The following RBFOX2 variants were observed in gnomAD, a reference collection of about 807,000 sequenced individuals.
The protein encoded by RBFOX2 is RNA binding protein fox-1 homolog 2.
A neutral mutation model predicts 49.1 loss-of-function variants in RBFOX2; 10 were observed. That is an observed-to-expected ratio of 0.20 (90% CI 0.13 to 0.35). The LOEUF is 0.35. Ranked by LOEUF, RBFOX2 falls within the 10% of genes least tolerant of loss-of-function variation. The probability of loss-of-function intolerance (pLI) is 1.00; values close to 1 mark genes in which losing one functional copy is unlikely to be tolerated. For missense variants in RBFOX2, 323 were observed against 486.9 expected (o/e 0.66, Z 3.17); for synonymous variants, 183 against 187.4 (o/e 0.98, Z 0.19).
At chr22:35,752,665 A>G in intron 9 of RBFOX2, 1 of 983,062 alleles carries the variant, frequency 1.0e-6, no homozygotes, top group Non-Finnish European at 1.2e-6. Context: ...TCTATAACAG[A>G]ACACAGGAAG....
chr22:35,843,983 G>A (rs1207739686), upstream of RBFOX2, among the ~76,000 whole-genome samples: 3 of 152,116 alleles, frequency 2.0e-5, no homozygotes, highest in Non-Finnish European at 4.4e-5. Context: ...TACCCTGACG[G>A]CTCCCACATT....
rs1229606546 is a variant in RBFOX2, at chr22:35,880,149, AG to A, written c.-34+58697del. Among the ~76,000 whole-genome samples the A allele has an allele frequency of 5.3e-5, 8 of 151,204 alleles. No individual in the cohort carries two copies. The East Asian group carries it at 1.5e-3, about 29-fold the overall frequency. On this transcript the variant is annotated intron_variant, in intron 1 of 13. Transcript: ENST00000359369. Reference sequence around the variant, plus strand: ...CAGCCTGGGCGACAGAGCGAGACTGAGGAAAAAAAAAAAAGGAAGAAGAGCT... The same window carrying A: ...CAGCCTGGGCGACAGAGCGAGACTGAGAAAAAAAAAAAAGGAAGAAGAGCT...
At chr22:36,017,100 TG>T (rs1324115061) in intron 1 of RBFOX2, among the ~76,000 whole-genome samples, 3 of 152,214 alleles carry the variant, frequency 2.0e-5, no homozygotes, top group Non-Finnish European at 4.4e-5. Context: ...AATACTTCTA[TG>T]AATCTATCGC....
chr22:35,803,447 G>A (rs533926011), intron 2 of RBFOX2, among the ~76,000 whole-genome samples: 3 of 152,232 alleles, frequency 2.0e-5, no homozygotes, highest in Admixed American at 2.0e-4. Flanking sequence ...CAGCTGAGGC[G>A]AGAGAACTCC....
At chr22:35,955,684 C>T (rs1325542744) in intron 1 of RBFOX2, among the ~76,000 whole-genome samples, 2 of 152,088 alleles carry the variant, frequency 1.3e-5, no homozygotes, top group East Asian at 1.9e-4. Flanking sequence ...AATCTAATGC[C>T]GCCACTGATC....
At chr22:36,028,146 C>G in intron 1 of RBFOX2, 94 bp downstream of exon 1, 1 of 1,330,076 alleles carries the variant, frequency 7.5e-7, no homozygotes, top group South Asian at 1.8e-5. Flanking sequence ...ACCCAGGACT[C>G]CCGGAGGCCC....
At chr22:35,913,976 C>T (rs2050122252) in intron 1 of RBFOX2, among the ~76,000 whole-genome samples, 1 of 152,118 alleles carries the variant, frequency 6.6e-6, no homozygotes. Context: ...ATCCCTAAGT[C>T]ATTTACTTGC....
chr22:35,765,148 G>C (rs565945064), intron 6 of RBFOX2, among the ~76,000 whole-genome samples: 12 of 150,394 alleles, frequency 8.0e-5, no homozygotes, highest in Middle Eastern at 3.4e-3. Flanking sequence ...TGCTCAGGTG[G>C]GATCCAATTT....
Position 35,759,289 on chromosome 22 carries a change from C to A in RBFOX2, c.887+599G>T, listed in dbSNP as rs1602242830. ...TGTTTTACCATCATTCAGAAGCCAA[C>A]TGCAGTTTAATTCTTCCTACTTCTC... On this transcript the variant is annotated intron_variant, in intron 9 of 11. Coordinates refer to ENST00000405409, the Ensembl canonical transcript of RBFOX2. The surrounding 1 kb of genome is among the most constrained non-coding windows in gnomAD (Gnocchi z 4.6). Among the ~76,000 whole-genome samples the A allele has an allele frequency of 1.3e-5, 2 of 152,212 alleles. No homozygotes were observed. The highest frequency in any genetic ancestry group is 1.3e-4 in the Admixed American group (2 of 15,280).
At chr22:35,904,335 C>G (rs2048898271) in intron 1 of RBFOX2, among the ~76,000 whole-genome samples, 1 of 152,114 alleles carries the variant, frequency 6.6e-6, no homozygotes, top group African/African-American at 2.4e-5. Context: ...ACAGATTTCT[C>G]CATTAGAAAG....
Position 35,818,048 on chromosome 22 carries a change from A to C in RBFOX2, c.28-8044T>G, listed in dbSNP as rs545130869. Among the ~76,000 whole-genome samples, 13 of 152,264 alleles carry C rather than the reference A, an allele frequency of 8.5e-5. No individual in the cohort carries two copies. In the South Asian group the frequency reaches 2.5e-3, roughly 29 times the overall value. ...GTCTTTCCCTTGAGGCTGAGTTTTG[A>C]AATCTCACAGCAATGAATATTTAAA... On this transcript the variant is annotated intron_variant, in intron 1 of 11. Transcript: ENST00000405409.
intron 1 of RBFOX2, among the ~76,000 whole-genome samples, chr22:35,857,281 AAC>A (rs988211504): frequency 6.6e-6 from 1 of 152,242 alleles, no homozygotes; most frequent in African/African-American, 2.4e-5. Context: ...TGAAAAAGGG[AAC>A]AACCTAAAGG....
intron 1 of RBFOX2, among the ~76,000 whole-genome samples, chr22:35,886,859 G>A (rs949941188): frequency 1.3e-5 from 2 of 152,116 alleles, no homozygotes; most frequent in Admixed American, 6.6e-5. Context: ...GAACCAAGAA[G>A]GAGAAAGGGG....
chr22:35,933,953 T>TATATATATATATATATATACAC (rs1009021083), intron 1 of RBFOX2, among the ~76,000 whole-genome samples: 4 of 141,070 alleles, frequency 2.8e-5, no homozygotes, highest in African/African-American at 8.4e-5. Flanking sequence ...TATATATATA[T>TATATATATATATATATATACAC]ACACACATCA....
At chr22:35,794,021 A>C (rs1031788265) in intron 2 of RBFOX2, among the ~76,000 whole-genome samples, 1 of 152,240 alleles carries the variant, frequency 6.6e-6, no homozygotes, top group African/African-American at 2.4e-5. Flanking sequence ...GTATAAAATT[A>C]TATGTAACAT....
At chr22:35,958,783 T>C (rs2055873456) in intron 1 of RBFOX2, among the ~76,000 whole-genome samples, 1 of 152,222 alleles carries the variant, frequency 6.6e-6, no homozygotes, top group Admixed American at 6.5e-5. Context: ...ATTACATTTT[T>C]TTAAACAAAT....
chr22:35,957,489 A>G (rs985296657), intron 1 of RBFOX2, among the ~76,000 whole-genome samples: 1 of 152,202 alleles, frequency 6.6e-6, no homozygotes, highest in Admixed American at 6.5e-5. Flanking sequence ...GACCTTACAG[A>G]TAAGAAAACC....
chr22:35,751,708 T>C (rs922837009), intron 9 of RBFOX2, among the ~76,000 whole-genome samples: 17 of 152,188 alleles, frequency 1.1e-4, no homozygotes, highest in African/African-American at 3.4e-4. Flanking sequence ...TTGAGCTCTG[T>C]CTCCTTTGAA....
chr22:35,772,755 CA>C (rs1943009368), intron 4 of RBFOX2, among the ~76,000 whole-genome samples: 1 of 152,138 alleles, frequency 6.6e-6, no homozygotes, highest in Non-Finnish European at 1.5e-5. Context: ...ACAGCAATTT[CA>C]CAGCCTGCCT....
Sources: gnomAD v4.1 joint callset for allele counts (sites outside exome capture counted in the v4.1 genomes callset) on GRCh38, gnomAD v4.1.1 for gene constraint, Gnocchi (gnomAD v3.1) non-coding constraint, MANE v1.5 for transcripts, NCBI Gene and HGNC (gene_info 2026-07-23, HGNC 2026-07-21) for gene names.